The following SNX13 variants were observed in gnomAD, a reference collection of about 807,000 sequenced individuals.
SNX13 encodes sorting nexin-13.
SNX13 carries 45 observed loss-of-function variants against 133.6 expected under a neutral mutation model. The ratio of observed to expected loss-of-function variants is 0.34; its 90% CI spans 0.27 to 0.43. SNX13 has a LOEUF of 0.43. Among genes scored for constraint, SNX13 ranks in the 20% least tolerant of loss-of-function variants. The pLI, the probability that SNX13 is intolerant of heterozygous loss-of-function variation, is 1.00. For synonymous variants in SNX13, 414 were observed against 373.9 expected (o/e 1.11, Z -1.24); for missense variants, 1,032 against 1,145.1 (o/e 0.90, Z 1.43).
chr7:17,934,736 TG>T, intron 1 of SNX13, among the ~76,000 whole-genome samples: 1 of 152,212 alleles, frequency 6.6e-6, no homozygotes, highest in East Asian at 1.9e-4. Context: ...TGAATAGACA[TG>T]TCTCAAAGGA....
At chr7:17,915,901 T>C (rs896360531) in intron 1 of SNX13, among the ~76,000 whole-genome samples, 2 of 152,182 alleles carry the variant, frequency 1.3e-5, no homozygotes, top group Non-Finnish European at 2.9e-5. Context: ...TCCACATTGC[T>C]CTGTCACAAA....
chr7:17,887,174 A>T (rs939770514), intron 5 of SNX13, among the ~76,000 whole-genome samples: 1 of 152,200 alleles, frequency 6.6e-6, no homozygotes, highest in Non-Finnish European at 1.5e-5. Flanking sequence ...CACCCACATC[A>T]TCTCATTTTC....
At chr7:17,821,466 C>A in intron 18 of SNX13, 43 bp downstream of exon 18, 1 of 1,517,678 alleles carries the variant, frequency 6.6e-7, no homozygotes, top group Non-Finnish European at 8.9e-7. Context: ...AAAATCAAAT[C>A]AAGAAACAAC....
rs117374435 is a variant in SNX13, at chr7:17,806,691, G to A, written c.2065-3111C>T. 9.9e-5 allele frequency among the ~76,000 whole-genome samples: 15 copies of A among 151,694 alleles called. No homozygotes were observed. The East Asian group carries it at 2.5e-3, about 26-fold the overall frequency. ...AAGACAGCCAAATAGGAACAGTTCC[G>A]GTCTGCAGCTCCCAGCGAGATCAAC... On this transcript the variant is annotated intron_variant, in intron 20 of 25. Coordinates refer to ENST00000428135, the MANE Select transcript of SNX13 (RefSeq NM_015132.5).
intron 24 of SNX13, among the ~76,000 whole-genome samples, 167 bp downstream of exon 24, chr7:17,798,523 T>C (rs1023362543): frequency 2.0e-5 from 3 of 151,910 alleles, no homozygotes; most frequent in African/African-American, 7.2e-5. Flanking sequence ...GATCAATAGG[T>C]TCATAAGACA....
At chr7:17,824,252 T>G (rs1383311010) in intron 17 of SNX13, among the ~76,000 whole-genome samples, 1 of 152,150 alleles carries the variant, frequency 6.6e-6, no homozygotes, top group African/African-American at 2.4e-5. Flanking sequence ...CAATACTTTT[T>G]AAAGCAAGAT....
chr7:17,801,743 A>T lies in SNX13; in HGVS notation c.2227-84T>A, dbSNP rs1287078809. Reference sequence around the variant, plus strand: ...AACACAATCATAAACCTAAATGAGTATCAGCATTTGATCTGACTTTTGGTA... The same window carrying T: ...AACACAATCATAAACCTAAATGAGTTTCAGCATTTGATCTGACTTTTGGTA... On this transcript the variant is annotated intron_variant, in intron 21 of 25. Coordinates refer to ENST00000428135, the MANE Select transcript of SNX13 (RefSeq NM_015132.5). The T allele has an allele frequency of 1.4e-5, 14 of 1,006,086 alleles. No individual in the cohort carries two copies. In the Admixed American group the frequency reaches 3.8e-4, roughly 28 times the overall value. 62.3% of individuals were successfully genotyped at this position (1,006,086 alleles called of 1,614,324 possible).
intron 17 of SNX13, among the ~76,000 whole-genome samples, chr7:17,825,309 C>A (rs1382503850): frequency 6.6e-6 from 1 of 150,950 alleles, no homozygotes; most frequent in Admixed American, 6.6e-5. Flanking sequence ...CTAGACTAGA[C>A]TATAAAATCT....
intron 1 of SNX13, chr7:17,898,294 G>GA (rs1468248333): frequency 1.3e-5 from 2 of 152,148 alleles, no homozygotes; most frequent in Non-Finnish European, 2.9e-5. Flanking sequence ...GCATAGAGAA[G>GA]AATCTCCTAT....
chr7:17,850,552 T>C (rs1791084594), intron 10 of SNX13, 117 bp from the exon 11 acceptor site: 2 of 669,558 alleles, frequency 3.0e-6, no homozygotes, highest in South Asian at 2.7e-5. Context: ...TTTTAGTCAA[T>C]AAAAGAAACC....
intron 20 of SNX13, 68 bp from the exon 21 acceptor site, chr7:17,803,648 T>A (rs912275726): frequency 1.4e-6 from 2 of 1,402,216 alleles, no homozygotes; most frequent in African/African-American, 2.9e-5. Context: ...TGACAAGCCT[T>A]GGAAAATATA....
At chr7:17,887,045 T>TA (rs1473954308) in intron 5 of SNX13, among the ~76,000 whole-genome samples, 6 of 149,926 alleles carry the variant, frequency 4.0e-5, no homozygotes, top group Non-Finnish European at 3.0e-5. Flanking sequence ...ATAGCAACAA[T>TA]AATAACAGAG....
chr7:17,862,427 T>C (rs574807994), intron 9 of SNX13, among the ~76,000 whole-genome samples: 2 of 152,312 alleles, frequency 1.3e-5, no homozygotes, highest in East Asian at 1.9e-4. Context: ...TCCATACTCA[T>C]TGCAAGTGAA....
At chr7:17,798,088 T>C (rs1167279158) in intron 24 of SNX13, among the ~76,000 whole-genome samples, 2 of 151,882 alleles carry the variant, frequency 1.3e-5, no homozygotes, top group Non-Finnish European at 2.9e-5. Flanking sequence ...TTTTACGCAT[T>C]GCTTATCTTC....
chr7:17,825,066 G>A (rs1337727798), intron 17 of SNX13, among the ~76,000 whole-genome samples: 1 of 152,148 alleles, frequency 6.6e-6, no homozygotes, highest in Admixed American at 6.5e-5. Context: ...ACCAAGCCCA[G>A]CCTGAAATAA....
At chr7:17,841,553 TACACACAC>T (rs71553704) in intron 12 of SNX13, among the ~76,000 whole-genome samples, 6 of 143,076 alleles carry the variant, frequency 4.2e-5, no homozygotes, top group East Asian at 4.1e-4. Context: ...CAGTTATTCA[TACACACAC>T]ACACACACAC....
chr7:17,800,480 A>G (rs1357940316), intron 22 of SNX13, among the ~76,000 whole-genome samples: 1 of 151,762 alleles, frequency 6.6e-6, no homozygotes, highest in Non-Finnish European at 1.5e-5. Context: ...CCATACTTCA[A>G]TCCATATACA....
chr7:17,851,022 C>G (rs574649110), intron 9 of SNX13, 58 bp from the exon 10 acceptor site: 3 of 1,529,962 alleles, frequency 2.0e-6, no homozygotes, highest in Non-Finnish European at 2.6e-6. Context: ...AAAAGGAAAA[C>G]TGAATCTTGA....
intron 5 of SNX13, among the ~76,000 whole-genome samples, chr7:17,887,039 C>T (rs1412587517): frequency 2.0e-5 from 3 of 150,848 alleles, no homozygotes; most frequent in African/African-American, 7.3e-5. Flanking sequence ...AACATAATAG[C>T]AACAATAATA....
Sources: allele counts gnomAD v4.1 joint callset (sites outside exome capture counted in the v4.1 genomes callset), GRCh38; gene constraint gnomAD v4.1.1; transcripts MANE v1.5; gene names NCBI Gene and HGNC (gene_info 2026-07-23, HGNC 2026-07-21).